The following INTS1 variants were observed in gnomAD, a reference collection of about 807,000 sequenced individuals.
INTS1 encodes integrator complex subunit 1.
Under a neutral mutation model 241.6 loss-of-function variants are expected in INTS1, and 137 were observed. That is an observed-to-expected ratio of 0.57 (90% CI 0.49 to 0.65). The LOEUF (loss-of-function observed/expected upper bound fraction) is 0.65, where lower values mean the gene tolerates loss of function less well. Among genes scored for constraint, INTS1 ranks in the 30% least tolerant of loss-of-function variants. The pLI is 0.00. For synonymous variants in INTS1, 1,692 were observed against 1,337.8 expected (o/e 1.26, Z -5.78); for missense variants, 3,073 against 3,032.2 (o/e 1.01, Z -0.32).
At chr7:1,494,648 G>A in intron 14 of INTS1, 168 bp downstream of exon 14, 1 of 685,662 alleles carries the variant, frequency 1.5e-6, no homozygotes, top group Non-Finnish European at 2.5e-6. Context: ...CGCCAGCATG[G>A]GAGTGGGAGA....
Position 1,482,590 on chromosome 7 carries a change from T to G in INTS1, c.3659A>C (p.Lys1220Thr). The change falls in exon 27 of 48, where the codon AAG (lysine) becomes ACG (threonine). Residue 1220 changes from lysine to threonine, a missense_variant. Transcript: ENST00000404767. The stretch of plus-strand genomic sequence containing the variant: ...CACCTCAGAACGGATCATGCGCAGC[T>G]TCAGCCAGTCAGGAAGCAGCAGCGC... ...EEALLLPDWL[K>T]LRMIRSEVLR... 1 of 1,612,816 alleles carries G rather than the reference T, an allele frequency of 6.2e-7. No homozygotes were observed.
Position 1,470,700 on chromosome 7 carries a change from G to C in INTS1, c.6458-8C>G. 9 of 1,534,326 alleles carry C rather than the reference G, an allele frequency of 5.9e-6. No homozygotes were observed. The highest frequency in any genetic ancestry group is 1.2e-5 in the South Asian group (1 of 83,008). On this transcript the variant is annotated splice_polypyrimidine_tract_variant and splice_region_variant and intron_variant, in intron 47 of 47. Coordinates refer to ENST00000404767, the MANE Select transcript of INTS1 (RefSeq NM_001080453.3). ...GCAGCACAGCCGCGTGCTCTGTGGG[G>C]GAAACGGGGCCCTGCACGTCACGCT... is the stretch of plus-strand genomic sequence containing the variant.
intron 13 of INTS1, 127 bp from the exon 14 acceptor site, chr7:1,495,020 G>A: frequency 9.5e-7 from 1 of 1,050,584 alleles, no homozygotes; most frequent in Non-Finnish European, 1.4e-6. Context: ...TGGTGCCCAA[G>A]CTCAGCACCT....
Position 1,498,989 on chromosome 7 carries a change from G to T in INTS1, c.1123C>A (p.Leu375Met), listed in dbSNP as rs915667536. Residue 375 changes from leucine (L) to methionine (M), a missense_variant, in exon 8 of 48, where the codon CTG becomes ATG. By Grantham distance (15) the Leu-to-Met change is conservative. Transcript: ENST00000404767. The part of the protein sequence containing the change: ...LLAVQKLEMW[L>M]QNPKLTRPAQ... ...CGCCCCCGCACCTTGGGGTTCTGCA[G>T]CCACATCTCCAGCTTCTGCACCGCC... The T allele has an allele frequency of 2.0e-6, 3 of 1,485,176 alleles. No homozygotes were observed. Among genetic ancestry groups the T allele is most frequent in the Non-Finnish European group, 1.8e-6 (2 of 1,115,292 alleles). The allele number at this position is 1,485,176 out of a possible 1,614,324, so 92.0% of individuals were successfully genotyped here.
chr7:1,502,114 A>G (rs1783211347), intron 3 of INTS1, among the ~76,000 whole-genome samples: 1 of 152,160 alleles, frequency 6.6e-6, no homozygotes, highest in African/African-American at 2.4e-5. Context: ...CACAAAACTC[A>G]GTAACCAGAG....
intron 1 of INTS1, 33 bp from the exon 2 acceptor site, chr7:1,504,034 ACT>A (rs1783340086): frequency 8.9e-7 from 1 of 1,128,892 alleles, no homozygotes; most frequent in Non-Finnish European, 1.3e-6. Flanking sequence ...TCATTCCTTC[ACT>A]CATTCGCTCG....
At chr7:1,503,385 C>T (rs999723729) in intron 2 of INTS1, among the ~76,000 whole-genome samples, 194 bp from the exon 3 acceptor site, 6 of 152,206 alleles carry the variant, frequency 3.9e-5, no homozygotes, top group Admixed American at 3.3e-4. Flanking sequence ...TGGACAGTCA[C>T]GTAGCGCTAA....
At chr7:1,501,475 C>A (rs564114186) in intron 3 of INTS1, among the ~76,000 whole-genome samples, 22 of 152,172 alleles carry the variant, frequency 1.4e-4, no homozygotes, top group Middle Eastern at 3.4e-3. Flanking sequence ...ACATTTACCA[C>A]AAATGGCTGG....
Position 1,474,190 on chromosome 7 carries a change from A to G in INTS1, c.5807T>C (p.Leu1936Pro). 1 of 1,583,366 alleles carries G rather than the reference A, an allele frequency of 6.3e-7. No homozygotes were observed. Among genetic ancestry groups the G allele is most frequent in the Non-Finnish European group, 8.6e-7 (1 of 1,167,428 alleles). The change falls in exon 41 of 48, where the codon CTG (leucine) becomes CCG (proline). Residue 1936 changes from leucine (L) to proline (P), a missense_variant. By Grantham distance (98) the Leu-to-Pro change is moderately conservative. Coordinates refer to ENST00000404767, the MANE Select transcript of INTS1 (RefSeq NM_001080453.3). ...EHQGALWDCLLSFIRLLLNYR... is the reference protein window; with the variant it reads ...EHQGALWDCLPSFIRLLLNYR... The stretch of plus-strand genomic sequence containing the variant: ...CACCAGCAGCAGGCGGATGAAGGAC[A>G]GAAGGCAGTCCCACAGCGCCCCCTG...
Position 1,499,612 on chromosome 7 carries a change from C to G in INTS1, c.705G>C (p.Leu235=), listed in dbSNP as rs372143276. Reference sequence around the variant, plus strand: ...GGCTGTCCACCCAGATCCGCTCCCCCAGGGAGTCCTCGATGTACACCTGTG... The same window carrying G: ...GGCTGTCCACCCAGATCCGCTCCCCGAGGGAGTCCTCGATGTACACCTGTG... The part of the protein sequence containing the change: ...IFVKVYIEDS[L]GERIWVDSPH... Residue 235 remains leucine (L), a synonymous_variant, in exon 6 of 48, where the codon CTG becomes CTC. Coordinates refer to ENST00000404767, the MANE Select transcript of INTS1 (RefSeq NM_001080453.3). The G allele has an allele frequency of 6.8e-6, 11 of 1,612,210 alleles. No individual in the cohort carries two copies. The highest frequency in any genetic ancestry group is 1.3e-5 in the African/African-American group (1 of 74,906).
chr7:1,487,160 C>T, intron 20 of INTS1, 59 bp from the exon 21 acceptor site: 2 of 1,523,390 alleles, frequency 1.3e-6, no homozygotes, highest in Non-Finnish European at 1.8e-6. Flanking sequence ...CTGCCGCCAG[C>T]CCCCCGGGTG....
chr7:1,470,617 G>T lies in INTS1; in HGVS notation c.6533C>A (p.Ser2178Tyr). ...YGQMDPSAQI[S>Y]EALRILHMEA... ...CATATGCAGGATCCTCAGGGCCTCGGAGATCTGCGCGCTGGGGTCCATCTG... is the reference window on the plus strand; with the variant it reads ...CATATGCAGGATCCTCAGGGCCTCGTAGATCTGCGCGCTGGGGTCCATCTG... The change falls in exon 48 of 48, where the codon TCC becomes TAC. Residue 2178 changes from serine (S) to tyrosine (Y), a missense_variant. Ser to Tyr is a moderately radical substitution (Grantham distance 144). Transcript: ENST00000404767. 6.3e-7 allele frequency: 1 copy of T among 1,586,426 alleles called. No homozygotes were observed.
In INTS1 at chr7:1,498,409, T is replaced by C. The variant is rs1782967161; in HGVS notation, c.1425+3A>G. On this transcript the variant is annotated splice_donor_region_variant and intron_variant, in intron 10 of 47. Coordinates refer to ENST00000404767, the MANE Select transcript of INTS1 (RefSeq NM_001080453.3). ...AGGGCAAGGCCAGGGACCCTGGGCC[T>C]ACCTTGGGCGCCAGCTCTGAGCTGT... The C allele has an allele frequency of 6.2e-7, 1 of 1,613,462 alleles. No individual in the cohort carries two copies. Among genetic ancestry groups the C allele is most frequent in the Non-Finnish European group, 8.5e-7 (1 of 1,179,790 alleles).
Position 1,470,919 on chromosome 7 carries a change from G to T in INTS1, c.6384C>A (p.Cys2128Ter). 6.3e-7 allele frequency: 1 copy of T among 1,584,334 alleles called. No individual in the cohort carries two copies. The highest frequency in any genetic ancestry group is 8.6e-7 in the Non-Finnish European group (1 of 1,166,290). The change falls in exon 47 of 48, where the codon TGC becomes TGA. Residue 2128 changes from cysteine (C) to a stop codon, truncating the protein, a stop_gained. Coordinates refer to ENST00000404767, the MANE Select transcript of INTS1 (RefSeq NM_001080453.3). LOFTEE classifies it high-confidence loss of function. The part of the protein sequence containing the change: ...AAAFLPTFMY[C>*]LGSQDFEVVQ... ...CCACCTCAAAGTCCTGGCTGCCCAG[G>T]CAGTACATGAACGTGGGCAGGAAAG... is the stretch of plus-strand genomic sequence containing the variant.
At chr7:1,503,323 A>G (rs1583171434) in intron 2 of INTS1, 132 bp from the exon 3 acceptor site, 2 of 943,140 alleles carry the variant, frequency 2.1e-6, no homozygotes, top group Non-Finnish European at 3.1e-6. Flanking sequence ...GCCAGAGCTC[A>G]CTCAGCAGCC....
chr7:1,497,352 A>G lies in INTS1; in HGVS notation c.1426-38T>C, dbSNP rs1200701632. Reference sequence around the variant, plus strand: ...GAGGCCGCGTGGGAGGCTGCCCGACAGTGCTGTCCCTGTCACAGGCCCCTT... The same window carrying G: ...GAGGCCGCGTGGGAGGCTGCCCGACGGTGCTGTCCCTGTCACAGGCCCCTT... On this transcript the variant is annotated intron_variant, in intron 10 of 47. Transcript: ENST00000404767. The surrounding 1 kb of genome is among the most constrained non-coding windows in gnomAD (Gnocchi z 5.3). The G allele has an allele frequency of 6.3e-7, 1 of 1,581,998 alleles. No homozygotes were observed. Among genetic ancestry groups the G allele is most frequent in the Non-Finnish European group, 8.6e-7 (1 of 1,164,484 alleles).
chr7:1,497,822 G>C lies in INTS1; in HGVS notation c.1426-508C>G, dbSNP rs1411675707. Reference sequence around the variant, plus strand: ...GCCTAATGCGCTGGTGGCGATGGGAGCATCTCCCGAGCCCGCTTCAAAGGA... The same window carrying C: ...GCCTAATGCGCTGGTGGCGATGGGACCATCTCCCGAGCCCGCTTCAAAGGA... On this transcript the variant is annotated intron_variant, in intron 10 of 47. Coordinates refer to ENST00000404767, the MANE Select transcript of INTS1 (RefSeq NM_001080453.3). The surrounding 1 kb of genome is among the most constrained non-coding windows in gnomAD (Gnocchi z 5.3). Among the ~76,000 whole-genome samples the C allele has an allele frequency of 6.6e-6, 1 of 152,238 alleles. No individual in the cohort carries two copies. Among genetic ancestry groups the C allele is most frequent in the African/African-American group, 2.4e-5 (1 of 41,472 alleles).
chr7:1,474,564 T>C lies in INTS1; in HGVS notation c.5636+141A>G, dbSNP rs566110136. On this transcript the variant is annotated intron_variant, in intron 40 of 47. Coordinates refer to ENST00000404767, the MANE Select transcript of INTS1 (RefSeq NM_001080453.3). ...ACCTGAGGCCCAGCTCAGTCCTGAC[T>C]TCCCCCGGTCAAGCTCAGCCCATGG... 2.3e-5 allele frequency: 30 copies of C among 1,287,704 alleles called. No homozygotes were observed. The African/African-American group carries it at 4.5e-4, about 19-fold the overall frequency. The allele number at this position is 1,287,704 out of a possible 1,614,324, so 79.8% of individuals were successfully genotyped here.
At chr7:1,500,869 G>C (rs13236469) in intron 3 of INTS1, 3 of 154,600 alleles carry the variant, frequency 1.9e-5, no homozygotes, top group African/African-American at 7.2e-5. Flanking sequence ...CATCCTCTGA[G>C]GAGCACCAGG....
Sources: allele counts gnomAD v4.1 joint callset (sites outside exome capture counted in the v4.1 genomes callset), GRCh38; gene constraint gnomAD v4.1.1; non-coding constraint Gnocchi (gnomAD v3.1); transcripts MANE v1.5; gene names NCBI Gene and HGNC (gene_info 2026-07-23, HGNC 2026-07-21).